The following TRMT6 variants were observed in gnomAD, a reference collection of about 807,000 sequenced individuals.
The protein encoded by TRMT6 is tRNA methyltransferase 6 non-catalytic subunit.
In TRMT6, 34 loss-of-function variants were observed where a neutral mutation model predicts 59.0. That is an observed-to-expected ratio of 0.58 (90% confidence interval 0.44 to 0.77). The LOEUF is 0.77. Ranked by LOEUF, TRMT6 falls within the 30% of genes least tolerant of loss-of-function variation. TRMT6 has a pLI of 0.00. For synonymous variants in TRMT6, 217 were observed against 210.5 expected, an observed-to-expected ratio of 1.03 and a Z score of -0.27; for missense variants, 575 against 604.5, an observed-to-expected ratio of 0.95 and a Z score of 0.51.
Position 5,943,806 on chromosome 20 carries a change from G to A in TRMT6, c.543-123C>T, listed in dbSNP as rs537965781. The A allele has an allele frequency of 8.0e-5, 122 of 1,526,612 alleles. 2 individuals are homozygous for A. The South Asian group carries it at 1.2e-3, about 15-fold the overall frequency. 94.6% of individuals were successfully genotyped at this position (1,526,612 alleles called of 1,614,324 possible). On this transcript the variant is annotated intron_variant, in intron 5 of 10. Coordinates refer to ENST00000203001, the MANE Select transcript of TRMT6 (RefSeq NM_015939.5). ...TGATAAGATTATTGATTGCTTTGGA[G>A]GTGACAGTAAAAGGACTTACAATTT...
At chr20:5,942,853 G>A in intron 6 of TRMT6, 67 bp from the exon 7 acceptor site, 1 of 1,168,920 alleles carries the variant, frequency 8.6e-7, no homozygotes, top group Non-Finnish European at 1.2e-6. Context: ...CCCTCAGTGA[G>A]TCCTCCACAG....
rs1047806608 is a variant in TRMT6 at position 5,943,944 on chromosome 20, G to A, written c.542+4C>T. On this transcript the variant is annotated splice_donor_region_variant and intron_variant, in intron 5 of 10. Coordinates refer to ENST00000203001, the MANE Select transcript of TRMT6 (RefSeq NM_015939.5). ...TTATACTTTTGAAAGGAAACAAAGCGTACTTAATTTTTCCAGGTTCTCTTG... is the reference window on the plus strand; with the variant it reads ...TTATACTTTTGAAAGGAAACAAAGCATACTTAATTTTTCCAGGTTCTCTTG... The A allele has an allele frequency of 8.7e-6, 14 of 1,603,682 alleles. No homozygotes were observed. The highest frequency in any genetic ancestry group is 2.2e-5 in the East Asian group (1 of 44,720).
intron 7 of TRMT6, 29 bp downstream of exon 7, chr20:5,942,399 G>A: frequency 6.3e-7 from 1 of 1,578,418 alleles, no homozygotes; most frequent in Non-Finnish European, 8.7e-7. Flanking sequence ...TGAGATTATG[G>A]GGGTGGTGGG....
Position 5,942,658 on chromosome 20 carries a change from G to A in TRMT6, c.796C>T (p.Leu266=). 1 of 1,614,080 alleles carries A rather than the reference G, an allele frequency of 6.2e-7. No individual in the cohort carries two copies. The highest frequency in any genetic ancestry group is 8.5e-7 in the Non-Finnish European group (1 of 1,180,016). Residue 266 remains leucine (L), a synonymous_variant, in exon 7 of 11, where the codon CTA becomes TTA. Coordinates refer to ENST00000203001, the MANE Select transcript of TRMT6 (RefSeq NM_015939.5). Reference sequence around the variant, plus strand: ...ATCTTGGCAGAAAATGTTCCATGTAGAAGACTGTCCACTTTGTTGAGAGGG... The same window carrying A: ...ATCTTGGCAGAAAATGTTCCATGTAAAAGACTGTCCACTTTGTTGAGAGGG... The part of the protein sequence containing the change: ...EFPLNKVDSL[L]HGTFSAKMLS...
chr20:5,946,007 A>G (rs957859721), intron 2 of TRMT6, among the ~76,000 whole-genome samples: 1 of 152,248 alleles, frequency 6.6e-6, no homozygotes, highest in Non-Finnish European at 1.5e-5. Flanking sequence ...GCCCAACGGT[A>G]CAAGGCAAGT....
chr20:5,946,688 G>C (rs191717246), intron 1 of TRMT6, among the ~76,000 whole-genome samples, 155 bp from the exon 2 acceptor site: 1 of 152,290 alleles, frequency 6.6e-6, no homozygotes, highest in Non-Finnish European at 1.5e-5. Context: ...GAGAGAACCT[G>C]GTTGGGATAG....
chr20:5,948,492 T>A (rs2088727948), intron 1 of TRMT6, among the ~76,000 whole-genome samples: 1 of 152,188 alleles, frequency 6.6e-6, no homozygotes, highest in Non-Finnish European at 1.5e-5. Flanking sequence ...AGAGGGCCTG[T>A]TGAAAAGTAT....
In TRMT6 at chr20:5,941,234, C is replaced by T; in HGVS notation, c.1215+9G>A. On this transcript the variant is annotated intron_variant, in intron 9 of 10. Coordinates refer to ENST00000203001, the MANE Select transcript of TRMT6 (RefSeq NM_015939.5). ...ATAAGAATTCCTGCCCATTCCATTC[C>T]AGTATTACCTCTTTGTACTGACAGT... The T allele has an allele frequency of 6.2e-7, 1 of 1,612,250 alleles. No homozygotes were observed. The highest frequency in any genetic ancestry group is 1.1e-5 in the South Asian group (1 of 91,040).
chr20:5,950,252 C>T, intron 1 of TRMT6, 26 bp downstream of exon 1: 4 of 1,582,514 alleles, frequency 2.5e-6, no homozygotes, highest in Non-Finnish European at 3.5e-6. Context: ...GGGCGGGAGA[C>T]CCCTAAAATC....
chr20:5,949,198 C>CAA lies in TRMT6; in HGVS notation c.128+1078_128+1079dup, dbSNP rs59540636. The stretch of plus-strand genomic sequence containing the variant: ...TGAAACCCCGTCTCTACTAAAAATA[C>CAA]AAAAAAAAAAAAAAAAGATTAGCCG... On this transcript the variant is annotated intron_variant, in intron 1 of 10. Transcript: ENST00000203001. Among the ~76,000 whole-genome samples, 543 of 107,384 alleles carry CAA rather than the reference C, an allele frequency of 5.1e-3. 4 individuals are homozygous for CAA. The highest frequency in any genetic ancestry group is 0.014 in the African/African-American group (471 of 33,510). 70.4% of individuals were successfully genotyped at this position (107,384 alleles called of 152,430 possible).
intron 10 of TRMT6, among the ~76,000 whole-genome samples, chr20:5,939,509 A>G (rs1036048983): frequency 1.3e-5 from 2 of 151,550 alleles, no homozygotes; most frequent in African/African-American, 4.8e-5. Flanking sequence ...AAAAGAGAAG[A>G]AAAAGAACTG....
rs1298553501 is a variant in TRMT6 at position 5,946,498 on chromosome 20, T to A, written c.164A>T (p.Asp55Val). The A allele has an allele frequency of 6.2e-7, 1 of 1,614,046 alleles. No individual in the cohort carries two copies. The highest frequency in any genetic ancestry group is 2.2e-5 in the East Asian group (1 of 44,894). The change falls in exon 2 of 11, where the codon GAT (aspartate) becomes GTT (valine). Residue 55 changes from aspartate to valine, a missense_variant. By Grantham distance (152) the Asp-to-Val change is radical. Coordinates refer to ENST00000203001, the MANE Select transcript of TRMT6 (RefSeq NM_015939.5). ...VTFEKQWFYL[D>V]NVIGHSYGTA... ...TCCATAACTATGGCCAATGACGTTA[T>A]CCAGGTAGAACCACTGTTTTTCGAA...
chr20:5,943,660 G>C lies in TRMT6; in HGVS notation c.566C>G (p.Ala189Gly), dbSNP rs765456585. Residue 189 changes from alanine to glycine, a missense_variant, in exon 6 of 11, where the codon GCC becomes GGC. Coordinates refer to ENST00000203001, the MANE Select transcript of TRMT6 (RefSeq NM_015939.5). Reference sequence around the variant, plus strand: ...GATATTTCCCAACGTCAACATCTGGGCTAGTGTATCGTATCTCATGTGGCT... The same window carrying C: ...GATATTTCCCAACGTCAACATCTGGCCTAGTGTATCGTATCTCATGTGGCT... ...KINHMRYDTL[A>G]QMLTLGNIRA... 1.9e-6 allele frequency: 3 copies of C among 1,614,132 alleles called. No homozygotes were observed. The highest frequency in any genetic ancestry group is 2.5e-6 in the Non-Finnish European group (3 of 1,180,024).
Position 5,943,688 on chromosome 20 carries a change from A to C in TRMT6, c.543-5T>G. The stretch of plus-strand genomic sequence containing the variant: ...AGTGTATCGTATCTCATGTGGCTAA[A>C]GTAAAAACAATAATTTGTTCATTTT... On this transcript the variant is annotated splice_region_variant and splice_polypyrimidine_tract_variant and intron_variant, in intron 5 of 10. Transcript: ENST00000203001. 1.2e-6 allele frequency: 2 copies of C among 1,609,738 alleles called. No individual in the cohort carries two copies. The highest frequency in any genetic ancestry group is 1.7e-6 in the Non-Finnish European group (2 of 1,178,654).
intron 2 of TRMT6, among the ~76,000 whole-genome samples, chr20:5,945,640 TTGG>T (rs1344415784): frequency 6.6e-6 from 1 of 152,198 alleles, no homozygotes; most frequent in Non-Finnish European, 1.5e-5. Flanking sequence ...TGGCATATAT[TTGG>T]TGCTTAGTAA....
Position 5,938,472 on chromosome 20 carries a change from T to C in TRMT6, c.*63A>G. 1 of 1,503,186 alleles carries C rather than the reference T, an allele frequency of 6.7e-7. No individual in the cohort carries two copies. Among genetic ancestry groups the C allele is most frequent in the East Asian group, 2.3e-5 (1 of 44,024 alleles). The allele number at this position is 1,503,186 out of a possible 1,614,324, so 93.1% of individuals were successfully genotyped here. On this transcript the variant is annotated 3_prime_UTR_variant, in exon 11 of 11. Transcript: ENST00000203001. ...ATGAAAAAACAAGTAGTAATGGCAT[T>C]TAAAGTTTAATTACTAACTGTATAA...
chr20:5,941,814 TAA>T, intron 8 of TRMT6, 135 bp downstream of exon 8: 1 of 752,954 alleles, frequency 1.3e-6, no homozygotes, highest in Non-Finnish European at 2.2e-6. Context: ...CTCCTTTCTT[TAA>T]AAAAACCCCC....
In TRMT6 at chr20:5,941,292, T is replaced by C. The variant is rs761523187; in HGVS notation, c.1166A>G (p.Asp389Gly). ...AAACGGCCTTGAAGGGGCCACAAAG[T>C]CCAGCAAAGACAGCAGCAGGGGAGT... is the stretch of plus-strand genomic sequence containing the variant. ...HPTPLLLSLL[D>G]FVAPSRPFVV... The change falls in exon 9 of 11, where the codon GAC becomes GGC. Residue 389 changes from aspartate to glycine, a missense_variant. Transcript: ENST00000203001. The C allele has an allele frequency of 2.5e-6, 4 of 1,614,082 alleles. No individual in the cohort carries two copies. The South Asian group carries it at 3.3e-5, about 13-fold the overall frequency.
intron 10 of TRMT6, among the ~76,000 whole-genome samples, chr20:5,939,676 T>C (rs559465101): frequency 2.2e-4 from 34 of 152,192 alleles, no homozygotes; most frequent in Non-Finnish European, 4.4e-5. Context: ...CTTGGGTCTA[T>C]GGAGAAGTTG....
Sources: gnomAD v4.1 joint callset for allele counts (sites outside exome capture counted in the v4.1 genomes callset) on GRCh38, gnomAD v4.1.1 for gene constraint, MANE v1.5 for transcripts, NCBI Gene and HGNC (gene_info 2026-07-23, HGNC 2026-07-21) for gene names.